The following NRG3 variants were observed in gnomAD, a reference collection of about 807,000 sequenced individuals.
The protein encoded by NRG3 is pro-neuregulin-3, membrane-bound isoform.
In NRG3, 31 loss-of-function variants were observed where a neutral mutation model predicts 66.9. The ratio of observed to expected loss-of-function variants is 0.46; its 90% CI spans 0.35 to 0.63. NRG3 has a LOEUF of 0.63. Ranked by LOEUF, NRG3 falls within the 20% of genes least tolerant of loss-of-function variation. The pLI, the probability that NRG3 is intolerant of heterozygous loss-of-function variation, is 0.00. For missense variants in NRG3, 910 were observed against 878.9 expected (o/e 1.04, Z -0.45); for synonymous variants, 393 against 359.4 (o/e 1.09, Z -1.06).
intron 1 of NRG3, among the ~76,000 whole-genome samples, chr10:82,342,597 G>A (rs1407593533): frequency 1.3e-5 from 2 of 151,752 alleles, no homozygotes; most frequent in Non-Finnish European, 2.9e-5. Flanking sequence ...TATGTGTTTT[G>A]CCCCCTTTTT....
chr10:82,103,382 C>T (rs2066878173), intron 1 of NRG3, among the ~76,000 whole-genome samples: 1 of 152,028 alleles, frequency 6.6e-6, no homozygotes, highest in East Asian at 1.9e-4. Context: ...TTCAAAAATC[C>T]TCTGAATGAT....
intron 2 of NRG3, among the ~76,000 whole-genome samples, chr10:82,563,888 A>G (rs2045219202): frequency 6.6e-6 from 1 of 152,146 alleles, no homozygotes; most frequent in South Asian, 2.1e-4. Context: ...AAAATATTTA[A>G]TAACTGAAGT....
chr10:82,289,800 T>C (rs2079621098), intron 1 of NRG3, among the ~76,000 whole-genome samples: 2 of 152,184 alleles, frequency 1.3e-5, no homozygotes, highest in South Asian at 4.1e-4. Flanking sequence ...TACATATACA[T>C]TTGCAAAATA....
rs139022678 is a variant in NRG3 at position 82,631,655 on chromosome 10, T to G, written c.954-106922T>G. Among the ~76,000 whole-genome samples the G allele has an allele frequency of 4.7e-3, 717 of 152,016 alleles. 3 individuals carry two copies. Among genetic ancestry groups the G allele is most frequent in the Middle Eastern group, 0.031 (9 of 294 alleles). On this transcript the variant is annotated intron_variant, in intron 2 of 8. Coordinates refer to ENST00000372141, the MANE Select transcript of NRG3 (RefSeq NM_001010848.4). ...CCTCCACGTTGGCACTGAATTTCCT[T>G]TTTTGATCTCATGTTCTCATAAGGC...
chr10:82,749,428 C>T lies in NRG3; in HGVS notation c.1027+10778C>T, dbSNP rs964344781. ...GGACAAATGCCTAAGTTTCACCACT[C>T]GCCCTACCCTCTGCTACCTTTGCCC... On this transcript the variant is annotated intron_variant, in intron 3 of 8. Transcript: ENST00000372141. Among the ~76,000 whole-genome samples, 4 of 152,088 alleles carry T rather than the reference C, an allele frequency of 2.6e-5. No individual in the cohort carries two copies. The East Asian group carries it at 5.8e-4, about 22-fold the overall frequency.
chr10:82,932,186 A>G (rs941703911), intron 4 of NRG3, among the ~76,000 whole-genome samples: 1 of 151,988 alleles, frequency 6.6e-6, no homozygotes, highest in African/African-American at 2.4e-5. Flanking sequence ...TTTCCTCTCT[A>G]TGGCGGCTGT....
chr10:82,347,285 T>A (rs1034989083), intron 1 of NRG3, among the ~76,000 whole-genome samples: 1 of 150,676 alleles, frequency 6.6e-6, no homozygotes, highest in Non-Finnish European at 1.5e-5. Context: ...CTCGTTGGTT[T>A]CAAAGAACAT....
chr10:82,033,973 G>A (rs2062682492), intron 1 of NRG3, among the ~76,000 whole-genome samples: 1 of 152,080 alleles, frequency 6.6e-6, no homozygotes, highest in Admixed American at 6.6e-5. Flanking sequence ...GGAAAGTTTT[G>A]CATAAGCACA....
At chr10:82,913,817 T>A (rs1319759910) in intron 4 of NRG3, among the ~76,000 whole-genome samples, 1 of 152,218 alleles carries the variant, frequency 6.6e-6, no homozygotes, top group African/African-American at 2.4e-5. Flanking sequence ...TCCAGCTTCC[T>A]GGATCTGTGG....
chr10:82,750,381 T>A (rs1465534405), intron 3 of NRG3, among the ~76,000 whole-genome samples: 1 of 152,144 alleles, frequency 6.6e-6, no homozygotes, highest in Non-Finnish European at 1.5e-5. Context: ...TTTTAAAAAA[T>A]TGGACACATG....
chr10:82,676,306 T>C (rs867165001), intron 2 of NRG3, among the ~76,000 whole-genome samples: 12 of 152,162 alleles, frequency 7.9e-5, no homozygotes, highest in Admixed American at 5.2e-4. Flanking sequence ...AATTGAAACA[T>C]CTGCTTGGAT....
chr10:82,161,998 C>T (rs868781757), intron 1 of NRG3, among the ~76,000 whole-genome samples: 3 of 152,012 alleles, frequency 2.0e-5, no homozygotes, highest in African/African-American at 4.8e-5. Context: ...TATCAGTGTG[C>T]CCAAACCCTC....
At chr10:82,433,475 C>T (rs1314449816) in intron 2 of NRG3, among the ~76,000 whole-genome samples, 4 of 152,126 alleles carry the variant, frequency 2.6e-5, no homozygotes, top group Non-Finnish European at 5.9e-5. Context: ...TTAATTAGAT[C>T]CCATTTGTCA....
chr10:82,093,514 G>T (rs1020389659), intron 1 of NRG3, among the ~76,000 whole-genome samples: 3 of 152,172 alleles, frequency 2.0e-5, no homozygotes, highest in African/African-American at 4.8e-5. Flanking sequence ...CATTATGAAA[G>T]ACTTCTGACA....
chr10:82,039,107 G>T (rs2132983991), intron 1 of NRG3, among the ~76,000 whole-genome samples: 1 of 152,176 alleles, frequency 6.6e-6, no homozygotes, highest in African/African-American at 2.4e-5. Flanking sequence ...ATATAAAGAG[G>T]ATAAGATATT....
chr10:82,447,325 CTGTAGTTCCAGCACTT>C lies in NRG3; in HGVS notation c.953+88460_953+88475del, dbSNP rs570520129. On this transcript the variant is annotated intron_variant, in intron 2 of 8. Transcript: ENST00000372141. ...GGAGGCCAGGCACAGTGGCCCATGC[CTGTAGTTCCAGCACTT>C]TGGGAGCTGAGGCAGGAGGATCTCT... Among the ~76,000 whole-genome samples, 94 of 152,254 alleles carry C rather than the reference CTGTAGTTCCAGCACTT, an allele frequency of 6.2e-4. 2 individuals are homozygous for C. In the East Asian group the frequency reaches 0.018, roughly 28 times the overall value.
At chr10:82,007,981 A>G (rs1458684115) in intron 1 of NRG3, among the ~76,000 whole-genome samples, 1 of 152,128 alleles carries the variant, frequency 6.6e-6, no homozygotes, top group Admixed American at 6.5e-5. Flanking sequence ...ACTCATTATT[A>G]TCTTATTCCC....
At chr10:82,596,113 C>T (rs2047260789) in intron 2 of NRG3, among the ~76,000 whole-genome samples, 1 of 152,112 alleles carries the variant, frequency 6.6e-6, no homozygotes, top group African/African-American at 2.4e-5. Flanking sequence ...ATTTCCTAGG[C>T]CTAAATATAA....
intron 1 of NRG3, among the ~76,000 whole-genome samples, chr10:81,963,358 C>T (rs1210511856): frequency 6.0e-5 from 9 of 150,574 alleles, no homozygotes; most frequent in Admixed American, 4.6e-4. Flanking sequence ...TGGTCTCGAT[C>T]TCCTGACCTC....
Sources: allele counts gnomAD v4.1 joint callset (sites outside exome capture counted in the v4.1 genomes callset), GRCh38; gene constraint gnomAD v4.1.1; transcripts MANE v1.5; gene names NCBI Gene and HGNC (gene_info 2026-07-23, HGNC 2026-07-21).